MTHFD2L: variants seen among roughly 807,000 people sequenced by gnomAD.
MTHFD2L encodes methylenetetrahydrofolate dehydrogenase (NADP+ dependent) 2 like.
MTHFD2L carries 29 observed loss-of-function variants against 34.9 expected under a neutral mutation model. The observed-to-expected ratio is 0.83, with a 90% CI of 0.62 to 1.13. MTHFD2L has a LOEUF of 1.13. MTHFD2L is among the 50% of genes most tolerant of loss of function. The pLI, the probability that MTHFD2L is intolerant of heterozygous loss-of-function variation, is 0.00. For synonymous variants in MTHFD2L, 167 were observed against 155.7 expected, an observed-to-expected ratio of 1.07 and a Z score of -0.54; for missense variants, 481 against 446.5, an observed-to-expected ratio of 1.08 and a Z score of -0.70.
At chr4:74,190,542 C>T (rs1381035565) in intron 3 of MTHFD2L, 1 of 985,150 alleles carries the variant, frequency 1.0e-6, no homozygotes, top group African/African-American at 1.7e-5. Flanking sequence ...CCTCCAAGCT[C>T]CACTGTGTTC....
chr4:74,226,931 G>A (rs917476039), intron 6 of MTHFD2L, among the ~76,000 whole-genome samples: 2 of 152,164 alleles, frequency 1.3e-5, no homozygotes, highest in Non-Finnish European at 2.9e-5. Flanking sequence ...TGGGGATACT[G>A]TTTTAGATTG....
At chr4:74,192,480 G>GGTTCATTAT (rs1488735623) in intron 3 of MTHFD2L, among the ~76,000 whole-genome samples, 5 of 151,982 alleles carry the variant, frequency 3.3e-5, no homozygotes, top group African/African-American at 4.8e-5. Context: ...ACATCATTAA[G>GGTTCATTAT]GTTCATTATT....
chr4:74,245,658 T>C (rs1157275955), intron 6 of MTHFD2L, among the ~76,000 whole-genome samples: 2 of 151,822 alleles, frequency 1.3e-5, no homozygotes, highest in African/African-American at 4.8e-5. Flanking sequence ...CCCCAGAGTG[T>C]GATGTTCCCC....
intron 6 of MTHFD2L, among the ~76,000 whole-genome samples, chr4:74,240,286 C>CT (rs1183235704): frequency 3.3e-5 from 5 of 152,076 alleles, no homozygotes; most frequent in Non-Finnish European, 5.9e-5. Context: ...TTTTTTAAAA[C>CT]TTTTTTGGGA....
chr4:74,296,835 T>C (rs1162007677), intron 7 of MTHFD2L, among the ~76,000 whole-genome samples: 1 of 152,060 alleles, frequency 6.6e-6, no homozygotes, highest in African/African-American at 2.4e-5. Context: ...TAAGTCTCAC[T>C]GATGAATGAA....
At chr4:74,151,240 T>C (rs1222495359) in intron 1 of MTHFD2L, among the ~76,000 whole-genome samples, 1 of 152,200 alleles carries the variant, frequency 6.6e-6, no homozygotes, top group Non-Finnish European at 1.5e-5. Context: ...TTAATTATCA[T>C]GAAATAAAAC....
Position 74,174,581 on chromosome 4 carries a change from A to G in MTHFD2L, c.219A>G (p.Ser73=), listed in dbSNP as rs1226452552. ...AAGAAATACAGCGAGGTGTGGAATC[A>G]TGGGTTTCCCTTGGAAACAGAAGAC... ...IQKEIQRGVE[S]WVSLGNRRPH... is the part of the protein sequence containing the mutation. The change falls in exon 2 of 8, where the codon TCA becomes TCG. Residue 73 remains serine (S), a synonymous_variant. Transcript: ENST00000325278. 2.5e-6 allele frequency: 4 copies of G among 1,608,374 alleles called. No homozygotes were observed. The African/African-American group carries it at 5.4e-5, about 22-fold the overall frequency.
chr4:74,207,370 G>C (rs566140373), intron 5 of MTHFD2L, among the ~76,000 whole-genome samples: 1 of 152,260 alleles, frequency 6.6e-6, no homozygotes, highest in African/African-American at 2.4e-5. Context: ...GATTTTTAAA[G>C]AGTATTTTGA....
At chr4:74,149,747 G>C (rs541961127) in intron 1 of MTHFD2L, among the ~76,000 whole-genome samples, 4 of 152,250 alleles carry the variant, frequency 2.6e-5, no homozygotes, top group South Asian at 2.1e-4. Flanking sequence ...TATTCTTCTT[G>C]TTGTTATGCT....
At chr4:74,197,978 A>G (rs1337510677) in intron 3 of MTHFD2L, among the ~76,000 whole-genome samples, 4 of 152,130 alleles carry the variant, frequency 2.6e-5, no homozygotes, top group African/African-American at 9.6e-5. Context: ...TATGATCTTC[A>G]CTTTTTTCAT....
intron 6 of MTHFD2L, among the ~76,000 whole-genome samples, chr4:74,274,715 C>T (rs1018012670): frequency 6.6e-6 from 1 of 152,146 alleles, no homozygotes; most frequent in Non-Finnish European, 1.5e-5. Flanking sequence ...CTCCACCAGC[C>T]TGTGAGATTG....
At chr4:74,181,608 C>A (rs1384083564) in intron 3 of MTHFD2L, 1 of 152,132 alleles carries the variant, frequency 6.6e-6, no homozygotes, top group Non-Finnish European at 1.5e-5. Context: ...TATTTACTTG[C>A]TCTCTGAGAA....
At chr4:74,298,039 CAGA>C (rs771456470) in intron 7 of MTHFD2L, among the ~76,000 whole-genome samples, 1 of 151,982 alleles carries the variant, frequency 6.6e-6, no homozygotes, top group Non-Finnish European at 1.5e-5. Flanking sequence ...TTCTCAGACA[CAGA>C]TACTCATGAA....
intron 5 of MTHFD2L, among the ~76,000 whole-genome samples, chr4:74,214,928 C>T (rs1736941113): frequency 6.6e-6 from 1 of 151,792 alleles, no homozygotes; most frequent in African/African-American, 2.4e-5. Context: ...TCTAGTGAGA[C>T]AGTCTGGCTA....
chr4:74,144,373 A>T (rs1723459939), intron 1 of MTHFD2L, among the ~76,000 whole-genome samples: 1 of 152,186 alleles, frequency 6.6e-6, no homozygotes, highest in Admixed American at 6.5e-5. Context: ...GAATTGCTTG[A>T]ACCCAGGAGG....
intron 6 of MTHFD2L, among the ~76,000 whole-genome samples, chr4:74,245,837 A>G (rs998817269): frequency 2.0e-4 from 30 of 151,628 alleles, no homozygotes; most frequent in Admixed American, 1.7e-3. Context: ...ATAGTATTCC[A>G]TGGTGTATAT....
chr4:74,273,702 A>G (rs1407789210), intron 6 of MTHFD2L, among the ~76,000 whole-genome samples: 3 of 152,208 alleles, frequency 2.0e-5, no homozygotes, highest in Non-Finnish European at 4.4e-5. Context: ...GTACAAAGAA[A>G]GAGTCTGTCA....
chr4:74,237,544 G>C (rs1348263945), intron 6 of MTHFD2L, among the ~76,000 whole-genome samples: 2 of 152,186 alleles, frequency 1.3e-5, no homozygotes, highest in East Asian at 1.9e-4. Flanking sequence ...AGCTACTTTA[G>C]AGGCTGTGGC....
chr4:74,224,694 T>A (rs192093575), intron 5 of MTHFD2L, among the ~76,000 whole-genome samples: 2 of 152,262 alleles, frequency 1.3e-5, no homozygotes, highest in Non-Finnish European at 2.9e-5. Context: ...CCATAACCTG[T>A]GACAAAAAAA....
Sources: allele counts gnomAD v4.1 joint callset (sites outside exome capture counted in the v4.1 genomes callset), GRCh38; gene constraint gnomAD v4.1.1; transcripts MANE v1.5; gene names NCBI Gene and HGNC (gene_info 2026-07-23, HGNC 2026-07-21).